TRIM62: variants seen among roughly 807,000 people sequenced by gnomAD.
The protein encoded by TRIM62 is E3 ubiquitin-protein ligase TRIM62.
In TRIM62, 39 loss-of-function variants were observed where a neutral mutation model predicts 44.2. The ratio of observed to expected loss-of-function variants is 0.88; its 90% CI spans 0.68 to 1.15. TRIM62 has a LOEUF of 1.15. Ranked by LOEUF, TRIM62 falls within the 50% of genes most tolerant of loss-of-function variation. TRIM62 has a pLI of 0.00. For missense variants in TRIM62, 544 were observed against 665.5 expected (o/e 0.82, Z 2.01); for synonymous variants, 278 against 292.3 (o/e 0.95, Z 0.50).
intron 1 of TRIM62, among the ~76,000 whole-genome samples, chr1:33,171,839 T>A (rs1296720109): frequency 6.6e-6 from 1 of 152,160 alleles, no homozygotes; most frequent in Non-Finnish European, 1.5e-5. Context: ...TGGGGTGTAG[T>A]GGTGCGATCT....
intron 2 of TRIM62, among the ~76,000 whole-genome samples, chr1:33,160,413 T>A (rs560526300): frequency 1.4e-3 from 206 of 152,122 alleles, no homozygotes; most frequent in African/African-American, 4.7e-3. Flanking sequence ...TTATTATTAT[T>A]AGTTTTTTGA....
chr1:33,148,530 T>C (rs1645050894), intron 4 of TRIM62, among the ~76,000 whole-genome samples: 1 of 152,154 alleles, frequency 6.6e-6, no homozygotes, highest in Non-Finnish European at 1.5e-5. Flanking sequence ...GGATGGTGTT[T>C]TACCTATGAC....
At chr1:33,176,355 C>G in intron 1 of TRIM62, 1 of 662,356 alleles carries the variant, frequency 1.5e-6, no homozygotes, top group Admixed American at 2.0e-5. Context: ...CCCCAGCCCC[C>G]TCCCTCCTTG....
In TRIM62 at chr1:33,167,061, A is replaced by G. The variant is rs948308813; in HGVS notation, c.409-1495T>C. The stretch of plus-strand genomic sequence containing the variant: ...CCTCCACCATCTTGAGCTCGTTCCA[A>G]TCTTCAGACTATGCCCTGGCTATTC... On this transcript the variant is annotated intron_variant, in intron 1 of 4. Coordinates refer to ENST00000291416, the MANE Select transcript of TRIM62 (RefSeq NM_018207.3). This position sits in a 1 kb window ranked among gnomAD's most constrained non-coding sequence, Gnocchi z 4.2. Among the ~76,000 whole-genome samples the G allele has an allele frequency of 2.0e-5, 3 of 151,968 alleles. No homozygotes were observed. The highest frequency in any genetic ancestry group is 6.6e-5 in the Admixed American group (1 of 15,248).
Position 33,159,976 on chromosome 1 carries a change from G to T in TRIM62, c.505-32C>A. 1 of 1,587,992 alleles carries T rather than the reference G, an allele frequency of 6.3e-7. No individual in the cohort carries two copies. Among genetic ancestry groups the T allele is most frequent in the South Asian group, 1.1e-5 (1 of 90,738 alleles). ...GGGACAGTCGTCAGGGGTTATGGCT[G>T]GGGGAGCAGATGGGGTGATCTCTGG... On this transcript the variant is annotated intron_variant, in intron 2 of 4. Transcript: ENST00000291416. This position sits in a 1 kb window ranked among gnomAD's most constrained non-coding sequence, Gnocchi z 4.2.
Position 33,180,589 on chromosome 1 carries a change from C to G in TRIM62, c.408+436G>C, listed in dbSNP as rs78869163. 1.2e-4 allele frequency among the ~76,000 whole-genome samples: 18 copies of G among 152,322 alleles called. No homozygotes were observed. The East Asian group carries it at 3.5e-3, about 29-fold the overall frequency. ...CCCCAGCCTGCCAGAGCTCAGCTAC[C>G]CGGTTTAATACAGACCCATCCTCGC... is the stretch of plus-strand genomic sequence containing the variant. On this transcript the variant is annotated intron_variant, in intron 1 of 4. Transcript: ENST00000291416.
At chr1:33,160,748 G>C (rs1645255321) in intron 2 of TRIM62, among the ~76,000 whole-genome samples, 1 of 152,100 alleles carries the variant, frequency 6.6e-6, no homozygotes, top group East Asian at 1.9e-4. Flanking sequence ...CTCATTCAGG[G>C]GGCTCAAGGA....
rs1645010054 is a variant in TRIM62, at chr1:33,145,414, CTTTAA to C, written c.*1758_*1762del. On this transcript the variant is annotated 3_prime_UTR_variant, in exon 5 of 5. Coordinates refer to ENST00000291416, the MANE Select transcript of TRIM62 (RefSeq NM_018207.3). ...TGGAACTGGCTACTGACATCTGTAA[CTTTAA>C]TTTAATACAAATTGATCATAACTCA... 2 of 162,230 alleles carry C rather than the reference CTTTAA, an allele frequency of 1.2e-5. No individual in the cohort carries two copies. The highest frequency in any genetic ancestry group is 2.4e-5 in the African/African-American group (1 of 41,676). The allele number at this position is 162,230 out of a possible 1,614,324, so 10.0% of individuals were successfully genotyped here.
chr1:33,181,521 G>A lies in TRIM62; in HGVS notation c.-89C>T. On this transcript the variant is annotated 5_prime_UTR_variant, in exon 1 of 5. Transcript: ENST00000291416. This position sits in a 1 kb window ranked among gnomAD's most constrained non-coding sequence, Gnocchi z 6.5. ...TGTCGGAGGCAGCACCGAGGGCTGG[G>A]CGCGGGGACGAGGCCCGCACAGGCA... The A allele has an allele frequency of 1.4e-6, 2 of 1,456,126 alleles. No homozygotes were observed. Among genetic ancestry groups the A allele is most frequent in the African/African-American group, 1.5e-5 (1 of 68,932 alleles). 90.2% of individuals were successfully genotyped at this position (1,456,126 alleles called of 1,614,324 possible).
In TRIM62 at chr1:33,181,306, C is replaced by A. The variant is rs1292199100; in HGVS notation, c.127G>T (p.Glu43Ter). The A allele has an allele frequency of 6.4e-7, 1 of 1,559,380 alleles. No homozygotes were observed. The highest frequency in any genetic ancestry group is 1.4e-5 in the African/African-American group (1 of 73,926). ...RCITEHWVRQ[E>*]AQGARDCPEC... The stretch of plus-strand genomic sequence containing the variant: ...GGGCAGTCGCGGGCGCCCTGCGCCT[C>A]CTGCCGCACCCAGTGCTCCGTGATG... The change falls in exon 1 of 5, where the codon GAG becomes TAG. Residue 43 changes from glutamate to a stop codon, truncating the protein, a stop_gained. Transcript: ENST00000291416. LOFTEE classifies it high-confidence loss of function. The surrounding 1 kb of genome is among the most constrained non-coding windows in gnomAD (Gnocchi z 6.5).
intron 1 of TRIM62, chr1:33,176,365 G>C (rs772036183): frequency 1.5e-6 from 1 of 671,658 alleles, no homozygotes; most frequent in South Asian, 1.5e-5. Flanking sequence ...CTCCCTCCTT[G>C]GGTGGCTGCC....
chr1:33,147,791 G>C lies in TRIM62; in HGVS notation c.878-64C>G. 1 of 1,542,952 alleles carries C rather than the reference G, an allele frequency of 6.5e-7. No individual in the cohort carries two copies. The highest frequency in any genetic ancestry group is 8.8e-7 in the Non-Finnish European group (1 of 1,139,382). Reference sequence around the variant, plus strand: ...GAAGGCTGTGGACCCACCATGCAGTGCCTTCCTGAGGGCAGAGTTCTGGTT... The same window carrying C: ...GAAGGCTGTGGACCCACCATGCAGTCCCTTCCTGAGGGCAGAGTTCTGGTT... On this transcript the variant is annotated intron_variant, in intron 4 of 4. Coordinates refer to ENST00000291416, the MANE Select transcript of TRIM62 (RefSeq NM_018207.3). The surrounding 1 kb of genome is among the most constrained non-coding windows in gnomAD (Gnocchi z 8.1).
In TRIM62 at chr1:33,173,994, T is replaced by A. The variant is rs1382593520; in HGVS notation, c.408+7031A>T. 2.6e-5 allele frequency among the ~76,000 whole-genome samples: 4 copies of A among 151,976 alleles called. No homozygotes were observed. In the East Asian group the frequency reaches 7.8e-4, roughly 30 times the overall value. On this transcript the variant is annotated intron_variant, in intron 1 of 4. Transcript: ENST00000291416. ...AGCTGGGATTAGAAGCATAAGCCAC[T>A]GTGCTTAGCCTCTTTTTAAAAAAAA...
In TRIM62 at chr1:33,159,771, C is replaced by A; in HGVS notation, c.678G>T (p.Gln226His). The A allele has an allele frequency of 1.2e-6, 2 of 1,613,766 alleles. No individual in the cohort carries two copies. The highest frequency in any genetic ancestry group is 1.7e-6 in the Non-Finnish European group (2 of 1,179,978). Residue 226 changes from glutamine (Q) to histidine (H), a missense_variant, in exon 3 of 5, where the codon CAG becomes CAT. Coordinates refer to ENST00000291416, the MANE Select transcript of TRIM62 (RefSeq NM_018207.3). This position sits in a 1 kb window ranked among gnomAD's most constrained non-coding sequence, Gnocchi z 4.2. ...QRYSQQLRKV[Q>H]EGAQILQERL... ...GCTCCTGCAGGATCTGGGCTCCCTC[C>A]TGGACCTTGCGCAGCTGCTGGCTGT... is the stretch of plus-strand genomic sequence containing the variant.
intron 4 of TRIM62, among the ~76,000 whole-genome samples, chr1:33,151,042 A>G (rs943694521): frequency 1.3e-5 from 2 of 152,048 alleles, no homozygotes. Context: ...AAGCAGGTAT[A>G]AGGGCTCAGC....
At chr1:33,176,166 C>A (rs1349141303) in intron 1 of TRIM62, among the ~76,000 whole-genome samples, 1 of 152,244 alleles carries the variant, frequency 6.6e-6, no homozygotes, top group East Asian at 1.9e-4. Context: ...AGCTGCCTTC[C>A]TGTCCATGCT....
At chr1:33,180,349 C>A (rs919584054) in intron 1 of TRIM62, among the ~76,000 whole-genome samples, 27 of 152,120 alleles carry the variant, frequency 1.8e-4, no homozygotes, top group African/African-American at 6.3e-4. Context: ...TGGCTTAAAT[C>A]TAAACTTGTT....
rs1336507634 is a variant in TRIM62 at position 33,165,656 on chromosome 1, C to T, written c.409-90G>A. On this transcript the variant is annotated intron_variant, in intron 1 of 4. Transcript: ENST00000291416. The surrounding 1 kb of genome is among the most constrained non-coding windows in gnomAD (Gnocchi z 4.0). ...CCACTGCCAGGCGCTGGGGGTTAGCCTGGTCTCTGTCCCCAACCTCCAACA... is the reference window on the plus strand; with the variant it reads ...CCACTGCCAGGCGCTGGGGGTTAGCTTGGTCTCTGTCCCCAACCTCCAACA... 3.4e-6 allele frequency: 4 copies of T among 1,166,068 alleles called. No homozygotes were observed. In the East Asian group the frequency reaches 8.6e-5, roughly 25 times the overall value. The allele number at this position is 1,166,068 out of a possible 1,614,324, so 72.2% of individuals were successfully genotyped here.
In TRIM62 at chr1:33,147,480, C is replaced by T. The variant is rs760315995; in HGVS notation, c.1125G>A (p.Lys375=). The T allele has an allele frequency of 6.2e-6, 10 of 1,612,862 alleles. No homozygotes were observed. In the Middle Eastern group the frequency reaches 4.9e-4, roughly 80 times the overall value. Residue 375 remains lysine, a synonymous_variant, in exon 5 of 5, where the codon AAG becomes AAA. Coordinates refer to ENST00000291416, the MANE Select transcript of TRIM62 (RefSeq NM_018207.3). The surrounding 1 kb of genome is among the most constrained non-coding windows in gnomAD (Gnocchi z 8.1). ...GGCTGGGCTGGATCTGGATGCTGCCCTTGCGGCTTGCGGCTTCGTGTGCCA... is the reference window on the plus strand; with the variant it reads ...GGCTGGGCTGGATCTGGATGCTGCCTTTGCGGCTTGCGGCTTCGTGTGCCA... ...IGLAHEAASR[K]GSIQIQPSRG...
Sources: gnomAD v4.1 joint callset for allele counts (sites outside exome capture counted in the v4.1 genomes callset) on GRCh38, gnomAD v4.1.1 for gene constraint, Gnocchi (gnomAD v3.1) non-coding constraint, MANE v1.5 for transcripts, NCBI Gene and HGNC (gene_info 2026-07-23, HGNC 2026-07-21) for gene names.